TYRO3: variants seen among roughly 807,000 people sequenced by gnomAD.
TYRO3 encodes TYRO3 protein tyrosine kinase, also known as tyrosine-protein kinase receptor TYRO3.
Under a neutral mutation model 95.2 loss-of-function variants are expected in TYRO3, and 38 were observed. The ratio of observed to expected loss-of-function variants is 0.40; its 90% confidence interval spans 0.31 to 0.52. TYRO3 has a LOEUF of 0.52. Among genes scored for constraint, TYRO3 ranks in the 20% least tolerant of loss-of-function variants. The probability of loss-of-function intolerance (pLI) is 0.56; values close to 1 mark genes in which losing one functional copy is unlikely to be tolerated. For synonymous variants in TYRO3, 367 were observed against 432.9 expected, an observed-to-expected ratio of 0.85 and a Z score of 1.89; for missense variants, 812 against 1,116.4, an observed-to-expected ratio of 0.73 and a Z score of 3.89.
chr15:41,568,682 G>T (rs1175543860), intron 8 of TYRO3, among the ~76,000 whole-genome samples, 196 bp from the exon 9 acceptor site: 1 of 152,130 alleles, frequency 6.6e-6, no homozygotes, highest in Non-Finnish European at 1.5e-5. Context: ...ACTGAGCCTT[G>T]TTTGTGTTCT....
rs1300614823 is a variant in TYRO3, at chr15:41,564,169, G to A, written c.581-15G>A. On this transcript the variant is annotated splice_polypyrimidine_tract_variant and intron_variant, in intron 4 of 18. Transcript: ENST00000263798. ...GTTGCTGCTTGGGGAGCTGACTGAG[G>A]TTTTCTGGCCCCAGGGGTGACCCAG... is the stretch of plus-strand genomic sequence containing the variant. 7.6e-7 allele frequency: 1 copy of A among 1,312,276 alleles called. No individual in the cohort carries two copies. Among genetic ancestry groups the A allele is most frequent in the Non-Finnish European group, 1.1e-6 (1 of 908,688 alleles). The allele number at this position is 1,312,276 out of a possible 1,614,324, so 81.3% of individuals were successfully genotyped here. A position where few individuals can be genotyped will look rare whatever the true frequency, so the allele number is the denominator to read the frequency against.
intron 8 of TYRO3, 133 bp from the exon 9 acceptor site, chr15:41,568,745 G>A: frequency 9.4e-7 from 1 of 1,062,980 alleles, no homozygotes; most frequent in Non-Finnish European, 1.3e-6. Context: ...AGAAGGTTGT[G>A]TTCCTGCAGC....
Position 41,570,851 on chromosome 15 carries a change from G to A in TYRO3, c.1579+152G>A. Reference sequence around the variant, plus strand: ...TGAGTGTGGGATGTTTGTGGGGAATGGTGGCTGGAGACAGGGAGGGCTGAG... The same window carrying A: ...TGAGTGTGGGATGTTTGTGGGGAATAGTGGCTGGAGACAGGGAGGGCTGAG... On this transcript the variant is annotated intron_variant, in intron 12 of 18. Coordinates refer to ENST00000263798, the MANE Select transcript of TYRO3 (RefSeq NM_006293.4). 4.3e-6 allele frequency: 4 copies of A among 922,294 alleles called. No individual in the cohort carries two copies. The South Asian group carries it at 6.1e-5, about 14-fold the overall frequency. The allele number at this position is 922,294 out of a possible 1,614,324, so 57.1% of individuals were successfully genotyped here.
chr15:41,578,506 G>C lies in TYRO3; in HGVS notation c.*230G>C. On this transcript the variant is annotated 3_prime_UTR_variant, in exon 19 of 19. Transcript: ENST00000263798. ...GTTTAGGCCTTGGCTTGATGGAAGTGGGCCAGTCCTGGTTGTCTGAACCCA... is the reference window on the plus strand; with the variant it reads ...GTTTAGGCCTTGGCTTGATGGAAGTCGGCCAGTCCTGGTTGTCTGAACCCA... 1 of 612,672 alleles carries C rather than the reference G, an allele frequency of 1.6e-6. No individual in the cohort carries two copies. The highest frequency in any genetic ancestry group is 2.8e-6 in the Non-Finnish European group (1 of 357,464). 38.0% of individuals were successfully genotyped at this position (612,672 alleles called of 1,614,324 possible).
Position 41,578,570 on chromosome 15 carries a change from T to G in TYRO3, c.*294T>G. 2.1e-6 allele frequency: 1 copy of G among 465,304 alleles called. No individual in the cohort carries two copies. The allele number at this position is 465,304 out of a possible 1,614,324, so 28.8% of individuals were successfully genotyped here. On this transcript the variant is annotated 3_prime_UTR_variant, in exon 19 of 19. Transcript: ENST00000263798. ...AGTGGGGTGGTTATGTTTCCATGGT[T>G]ACCATGGGTGTGGATGGCAGTGTGG...
intron 5 of TYRO3, 35 bp from the exon 6 acceptor site, chr15:41,564,991 C>T (rs1186770894): frequency 7.1e-7 from 1 of 1,414,854 alleles, no homozygotes; most frequent in Admixed American, 1.7e-5. Context: ...TGCTCATATC[C>T]CTACTGGGCA....
At position 41,582,688 on chromosome 15, in the gene TYRO3, A is replaced by T. The variant is rs572060658; in HGVS notation, c.*4412A>T. 2.0e-5 allele frequency: 3 copies of T among 152,260 alleles called. No homozygotes were observed. The East Asian group carries it at 5.8e-4, about 29-fold the overall frequency. 9.4% of individuals were successfully genotyped at this position (152,260 alleles called of 1,614,324 possible). Reference sequence around the variant, plus strand: ...GAGTGAGACTCCATCTCAAAAAAGAAAATAATAATAATATAGTTTATTTTT... The same window carrying T: ...GAGTGAGACTCCATCTCAAAAAAGATAATAATAATAATATAGTTTATTTTT... On this transcript the variant is annotated 3_prime_UTR_variant, in exon 19 of 19. Coordinates refer to ENST00000263798, the MANE Select transcript of TYRO3 (RefSeq NM_006293.4).
chr15:41,576,991 C>G (rs910653462), intron 18 of TYRO3, among the ~76,000 whole-genome samples: 1 of 152,090 alleles, frequency 6.6e-6, no homozygotes, highest in Non-Finnish European at 1.5e-5. Context: ...TGAGTAGGTA[C>G]TGCCCACTCA....
rs535083566 is a variant in TYRO3, at chr15:41,582,460, G to C, written c.*4184G>C. ...CAGGAGAATCACTTGAACCTGGGAG[G>C]GGGAGGTTGCAGTGAGCCACTACAT... On this transcript the variant is annotated 3_prime_UTR_variant, in exon 19 of 19. Transcript: ENST00000263798. 6.6e-6 allele frequency: 1 copy of C among 152,300 alleles called. No homozygotes were observed. The highest frequency in any genetic ancestry group is 1.5e-5 in the Non-Finnish European group (1 of 68,078). 9.4% of individuals were successfully genotyped at this position (152,300 alleles called of 1,614,324 possible).
chr15:41,572,002 A>T (rs971842947), intron 14 of TYRO3, among the ~76,000 whole-genome samples: 1 of 151,698 alleles, frequency 6.6e-6, no homozygotes, highest in Admixed American at 6.6e-5. Flanking sequence ...TATTTAAAAA[A>T]AAAAAACAAA....
chr15:41,571,454 G>A, intron 13 of TYRO3, 141 bp from the exon 14 acceptor site: 1 of 660,778 alleles, frequency 1.5e-6, no homozygotes, highest in Non-Finnish European at 2.8e-6. Flanking sequence ...ACTCCTTGGG[G>A]GTTTCTCCTG....
chr15:41,570,530 G>T (rs772492934), intron 11 of TYRO3, 74 bp from the exon 12 acceptor site: 16 of 1,522,162 alleles, frequency 1.1e-5, no homozygotes, highest in Admixed American at 1.7e-5. Context: ...TGAGGGCAGA[G>T]TCTGGGGTAT....
chr15:41,561,389 G>T lies in TYRO3; in HGVS notation c.308+79G>T, dbSNP rs536023415. ...CTTTCCTTGGGGATTGGGAGCTGGG[G>T]CCCTCTCCTGATGCCCAGAGGTCTG... is the stretch of plus-strand genomic sequence containing the variant. On this transcript the variant is annotated intron_variant, in intron 2 of 18. Transcript: ENST00000263798. The T allele has an allele frequency of 1.8e-5, 29 of 1,576,008 alleles. No homozygotes were observed. In the African/African-American group the frequency reaches 4.0e-4, roughly 21 times the overall value.
intron 3 of TYRO3, 28 bp from the exon 4 acceptor site, chr15:41,562,520 C>T: frequency 3.3e-6 from 5 of 1,502,950 alleles, no homozygotes; most frequent in Non-Finnish European, 9.1e-7. Context: ...GGTGGCAGGG[C>T]TCACTCCTCA....
intron 18 of TYRO3, chr15:41,574,764 G>C: frequency 2.2e-6 from 1 of 454,116 alleles, no homozygotes; most frequent in South Asian, 1.6e-5. Flanking sequence ...TTGTCACCCA[G>C]GCTGGAGTGC....
intron 4 of TYRO3, among the ~76,000 whole-genome samples, chr15:41,563,124 G>A (rs186415094): frequency 1.5e-3 from 231 of 152,266 alleles, no homozygotes; most frequent in African/African-American, 5.4e-3. Context: ...TCAGGCTGCA[G>A]AGAGGGGAGA....
chr15:41,567,925 T>C (rs1442144381), intron 7 of TYRO3, among the ~76,000 whole-genome samples: 1 of 152,130 alleles, frequency 6.6e-6, no homozygotes, highest in Non-Finnish European at 1.5e-5. Flanking sequence ...GCTTGGCAAT[T>C]GCAAAGAGGC....
intron 3 of TYRO3, chr15:41,562,276 C>G (rs1438729936): frequency 3.4e-6 from 1 of 297,980 alleles, no homozygotes; most frequent in East Asian, 6.7e-5. Flanking sequence ...ACTTGAGCCC[C>G]CAGGAGTTCC....
intron 2 of TYRO3, 71 bp from the exon 3 acceptor site, chr15:41,561,468 A>C (rs752218231): frequency 2.9e-5 from 39 of 1,337,892 alleles, no homozygotes; most frequent in Non-Finnish European, 3.7e-5. Flanking sequence ...GGCAGGCTGA[A>C]CTCATCAAGT....
Sources: allele counts gnomAD v4.1 joint callset (sites outside exome capture counted in the v4.1 genomes callset), GRCh38; gene constraint gnomAD v4.1.1; transcripts MANE v1.5; gene names NCBI Gene and HGNC (gene_info 2026-07-23, HGNC 2026-07-21).